The following ADAM20 variants were observed in gnomAD, a reference collection of about 807,000 sequenced individuals.
ADAM20 encodes ADAM metallopeptidase domain 20, also known as disintegrin and metalloproteinase domain-containing protein 20.
For synonymous variants in ADAM20, 305 were observed against 310.2 expected (o/e 0.98, Z 0.18); for missense variants, 871 against 883.2 (o/e 0.99, Z 0.18).
rs1883518048 is a variant in ADAM20, at chr14:70,523,897, A to G, written c.861T>C (p.Leu287=). 22 of 1,613,954 alleles carry G rather than the reference A, an allele frequency of 1.4e-5. No individual in the cohort carries two copies. The highest frequency in any genetic ancestry group is 1.9e-5 in the Non-Finnish European group (22 of 1,179,942). The change falls in exon 2 of 2, where the codon CTT becomes CTC. Residue 287 remains leucine (L), a synonymous_variant. Transcript: ENST00000256389. The part of the protein sequence containing the change: ...EDFSIWKNYN[L]NNRLQHDVAH... ...CAACATCATGTTGTAGTCGATTATT[A>G]AGGTTATAATTCTTCCAAATAGAAA...
Position 70,524,423 on chromosome 14 carries a change from T to C in ADAM20, c.335A>G (p.His112Arg), listed in dbSNP as rs374862551. The change falls in exon 2 of 2, where the codon CAT (histidine) becomes CGT (arginine). Residue 112 changes from histidine to arginine, a missense_variant. His to Arg is a conservative substitution (Grantham distance 29, BLOSUM62 0). Coordinates refer to ENST00000256389, the MANE Select transcript of ADAM20 (RefSeq NM_003814.5). ...CTCAGGGACCCCCTCCACATAACCA[T>C]GGTAGTAGCAGTCATCCTGGATGAA... Reference protein sequence around the residue: ...QPFIQDDCYYHGYVEGVPESL... With the variant: ...QPFIQDDCYYRGYVEGVPESL... The C allele has an allele frequency of 1.2e-5, 20 of 1,613,818 alleles. No homozygotes were observed. The highest frequency in any genetic ancestry group is 1.5e-5 in the Non-Finnish European group (18 of 1,179,912).
chr14:70,533,155 G>A (rs1393371997), intron 1 of ADAM20, among the ~76,000 whole-genome samples: 2 of 152,164 alleles, frequency 1.3e-5, no homozygotes, highest in Admixed American at 6.5e-5. Flanking sequence ...GTTGGCGAGA[G>A]TGTAAATTAG....
At chr14:70,528,299 G>A (rs1401662791) in intron 1 of ADAM20, among the ~76,000 whole-genome samples, 1 of 152,112 alleles carries the variant, frequency 6.6e-6, no homozygotes, top group Non-Finnish European at 1.5e-5. Context: ...ACAACAATTG[G>A]GAGACAATTT....
chr14:70,524,040 T>C lies in ADAM20; in HGVS notation c.718A>G (p.Ile240Val), dbSNP rs1883522421. ...VQHEVFNVVN[I>V]VDSFYHPLEV... ...AAAGGATGATAGAAGGAATCCACTA[T>C]ATTGACAACGTTAAATACTTCATGC... Residue 240 changes from isoleucine (I) to valine (V), a missense_variant, in exon 2 of 2, where the codon ATA (isoleucine) becomes GTA (valine). Transcript: ENST00000256389. 1 of 1,613,982 alleles carries C rather than the reference T, an allele frequency of 6.2e-7. No individual in the cohort carries two copies. Among genetic ancestry groups the C allele is most frequent in the Non-Finnish European group, 8.5e-7 (1 of 1,179,936 alleles).
Position 70,522,453 on chromosome 14 carries a change from C to A in ADAM20, c.*124G>T, listed in dbSNP as rs556054275. ...TGCTGTGATAGCTAATGCTTGCAAT[C>A]CTGACATGAAATGTCCATGAAGTTT... is the stretch of plus-strand genomic sequence containing the variant. On this transcript the variant is annotated 3_prime_UTR_variant, in exon 2 of 2. Transcript: ENST00000256389. 9 of 998,224 alleles carry A rather than the reference C, an allele frequency of 9.0e-6. No homozygotes were observed. The highest frequency in any genetic ancestry group is 1.3e-5 in the Non-Finnish European group (9 of 699,608). 61.8% of individuals were successfully genotyped at this position (998,224 alleles called of 1,614,324 possible).
At chr14:70,555,910 A>T in the ADAM20 span, among the ~76,000 whole-genome samples, 1 of 152,064 alleles carries the variant, frequency 6.6e-6, no homozygotes, top group Non-Finnish European at 1.5e-5. Context: ...CTAGAATCCC[A>T]GCCTTACCTG....
intron 1 of ADAM20, among the ~76,000 whole-genome samples, chr14:70,525,435 T>C (rs1883569613): frequency 6.6e-6 from 1 of 152,102 alleles, no homozygotes; most frequent in Non-Finnish European, 1.5e-5. Context: ...TTACCCAGGC[T>C]GGTCTCAAAC....
At chr14:70,539,171 A>ACC (rs113121375), upstream of ADAM20, among the ~76,000 whole-genome samples, 1 of 146,050 alleles carries the variant, frequency 6.8e-6, no homozygotes, top group African/African-American at 2.6e-5. Flanking sequence ...CTGTAGGGAG[A>ACC]CCCCCTGAAA....
At chr14:70,560,781 G>C in the ADAM20 span, among the ~76,000 whole-genome samples, 1 of 152,130 alleles carries the variant, frequency 6.6e-6, no homozygotes, top group Non-Finnish European at 1.5e-5. Flanking sequence ...CTTCCACCAT[G>C]ATTGTAAGTT....
At chr14:70,549,163 A>T in the ADAM20 span, among the ~76,000 whole-genome samples, 3 of 100,090 alleles carry the variant, frequency 3.0e-5, no homozygotes, top group Non-Finnish European at 5.9e-5. Context: ...AGCGCTAAAC[A>T]TGGAAAGGAA....
chr14:70,542,276 G>A, the ADAM20 span, among the ~76,000 whole-genome samples: 1 of 152,276 alleles, frequency 6.6e-6, no homozygotes, highest in East Asian at 1.9e-4. Context: ...ACATATATAA[G>A]TTCAATACGA....
At chr14:70,559,262 T>C in the ADAM20 span, among the ~76,000 whole-genome samples, 1 of 149,866 alleles carries the variant, frequency 6.7e-6, no homozygotes, top group Non-Finnish European at 1.5e-5. Context: ...CCCAACTCTA[T>C]CCTTCAAGTT....
At chr14:70,547,052 G>GT in the ADAM20 span, among the ~76,000 whole-genome samples, 1 of 152,344 alleles carries the variant, frequency 6.6e-6, no homozygotes, top group African/African-American at 2.4e-5. Context: ...AGGATCATTA[G>GT]TGGCTACTAT....
At chr14:70,566,220 G>A in the ADAM20 span, among the ~76,000 whole-genome samples, 1 of 152,100 alleles carries the variant, frequency 6.6e-6, no homozygotes, top group Non-Finnish European at 1.5e-5. Context: ...TAATATAAAT[G>A]TTAAAAGACA....
rs370249536 is a variant in ADAM20 at position 70,523,281 on chromosome 14, C to T, written c.1477G>A (p.Asp493Asn). Reference protein sequence around the residue: ...HQCPDDVYVQDGISCNVNAFC... With the variant: ...HQCPDDVYVQNGISCNVNAFC... ...GCATTCACATTACAGGAGATCCCGT[C>T]CTGCACATACACATCATCTGGGCAT... is the stretch of plus-strand genomic sequence containing the variant. Residue 493 changes from aspartate (D) to asparagine (N), a missense_variant, in exon 2 of 2, where the codon GAC becomes AAC. Transcript: ENST00000256389. 119 of 1,613,914 alleles carry T rather than the reference C, an allele frequency of 7.4e-5. No homozygotes were observed. The highest frequency in any genetic ancestry group is 8.7e-5 in the Non-Finnish European group (103 of 1,179,956).
chr14:70,533,757 T>G (rs1414773422), intron 1 of ADAM20, among the ~76,000 whole-genome samples: 10 of 147,668 alleles, frequency 6.8e-5, no homozygotes, highest in Non-Finnish European at 1.4e-4. Flanking sequence ...TCCTAGAACT[T>G]AAAATTTAAA....
At chr14:70,568,144 TCCTAAGA>T in the ADAM20 span, among the ~76,000 whole-genome samples, 2,342 of 152,262 alleles carry the variant, frequency 0.015, 57 homozygotes, top group African/African-American at 0.048. Flanking sequence ...GAGATAAGTT[TCCTAAGA>T]CCTATGCACC....
chr14:70,572,816 C>CA, the ADAM20 span, among the ~76,000 whole-genome samples: 2 of 151,454 alleles, frequency 1.3e-5, no homozygotes, highest in East Asian at 1.9e-4. Context: ...TACAAGCAGC[C>CA]AAAAAACATG....
At chr14:70,539,292 G>A (rs748984464), upstream of ADAM20, among the ~76,000 whole-genome samples, 1 of 152,188 alleles carries the variant, frequency 6.6e-6, no homozygotes, top group Non-Finnish European at 1.5e-5. Context: ...AGCCAACAAC[G>A]CGTGATGTGC....
Sources: allele counts gnomAD v4.1 joint callset (sites outside exome capture counted in the v4.1 genomes callset), GRCh38; gene constraint gnomAD v4.1.1; transcripts MANE v1.5; gene names NCBI Gene and HGNC (gene_info 2026-07-23, HGNC 2026-07-21).